Variants in OCIAD1 observed in about 807,000 individuals in gnomAD.
OCIAD1 encodes OCIA domain containing 1.
Under a neutral mutation model 38.9 loss-of-function variants are expected in OCIAD1, and 29 were observed. The observed-to-expected ratio is 0.74, with a 90% confidence interval of 0.55 to 1.02. OCIAD1 has a LOEUF of 1.02. OCIAD1 is among the 50% of genes least tolerant of loss of function. The pLI, the probability that OCIAD1 is intolerant of heterozygous loss-of-function variation, is 0.00. For missense variants in OCIAD1, 288 were observed against 289.6 expected (o/e 0.99, Z 0.04); for synonymous variants, 110 against 92.0 (o/e 1.20, Z -1.12).
At chr4:48,841,316 A>G (rs1579072266) in intron 3 of OCIAD1, among the ~76,000 whole-genome samples, 2 of 152,322 alleles carry the variant, frequency 1.3e-5, no homozygotes, top group South Asian at 4.2e-4. Context: ...AGTCACATGT[A>G]GCAATTTAAC....
At chr4:48,834,407 G>A (rs1235360073) in intron 3 of OCIAD1, among the ~76,000 whole-genome samples, 1 of 152,192 alleles carries the variant, frequency 6.6e-6, no homozygotes, top group Admixed American at 6.5e-5. Flanking sequence ...CCTGACCTTA[G>A]GTGATCTGCC....
intron 3 of OCIAD1, among the ~76,000 whole-genome samples, chr4:48,839,243 C>G (rs189646850): frequency 2.6e-5 from 4 of 152,196 alleles, no homozygotes; most frequent in Admixed American, 1.3e-4. Flanking sequence ...CAAGACCAGC[C>G]TGGCTAACAT....
At position 48,812,282 on chromosome 4, in the gene OCIAD1, C is replaced by CAAAAAAAAAAAAAAAA. The variant is rs397881494; in HGVS notation, c.-103+6971_-103+6986dup. ...TGGGCAACAGAGTGAGAGTTGGTCT[C>CAAAAAAAAAAAAAAAA]AAAAAAAAAAAAAAAAAAAAAAAAA... On this transcript the variant is annotated intron_variant, in intron 1 of 6. Coordinates refer to the OCIAD1 transcript ENST00000504654. 3.6e-4 allele frequency among the ~76,000 whole-genome samples: 9 copies of CAAAAAAAAAAAAAAAA among 25,076 alleles called. 1 individual carries two copies. Among genetic ancestry groups the CAAAAAAAAAAAAAAAA allele is most frequent in the Non-Finnish European group, 4.8e-4 (8 of 16,548 alleles). 16.5% of individuals were successfully genotyped at this position (25,076 alleles called of 152,430 possible).
In OCIAD1 at chr4:48,850,795, A is replaced by G. The variant is rs1779382203; in HGVS notation, c.377+713A>G. Reference sequence around the variant, plus strand: ...TTACTGTGTTTACCAGGCTGGTCTCAAACTCCTGAGCTCAAGTGATCTGCC... The same window carrying G: ...TTACTGTGTTTACCAGGCTGGTCTCGAACTCCTGAGCTCAAGTGATCTGCC... On this transcript the variant is annotated intron_variant, in intron 6 of 8. Coordinates refer to ENST00000264312, the MANE Select transcript of OCIAD1 (RefSeq NM_017830.4). 5.3e-5 allele frequency among the ~76,000 whole-genome samples: 8 copies of G among 152,122 alleles called. No individual in the cohort carries two copies. In the South Asian group the frequency reaches 1.7e-3, roughly 32 times the overall value.
At chr4:48,819,089 C>T (rs1777166978) in intron 1 of OCIAD1, among the ~76,000 whole-genome samples, 1 of 152,040 alleles carries the variant, frequency 6.6e-6, no homozygotes, top group Non-Finnish European at 1.5e-5. Context: ...CTAAGACACT[C>T]CTCAAGAAGA....
chr4:48,855,374 A>G (rs1779934637), intron 7 of OCIAD1, among the ~76,000 whole-genome samples: 1 of 152,222 alleles, frequency 6.6e-6, no homozygotes, highest in Admixed American at 6.5e-5. Context: ...ATCCCAATAT[A>G]AGGTTATAAT....
intron 7 of OCIAD1, among the ~76,000 whole-genome samples, chr4:48,855,551 C>T (rs1779953950): frequency 6.6e-6 from 1 of 152,134 alleles, no homozygotes; most frequent in South Asian, 2.1e-4. Flanking sequence ...GGTGCAGTGG[C>T]TCATGCCTGT....
chr4:48,859,881 C>T (rs1310951583), intron 8 of OCIAD1, among the ~76,000 whole-genome samples: 1 of 152,148 alleles, frequency 6.6e-6, no homozygotes, highest in Non-Finnish European at 1.5e-5. Context: ...TGTCACCACA[C>T]ATCCTGTAGC....
At chr4:48,849,878 T>G (rs1779275084) in intron 5 of OCIAD1, 69 bp from the exon 6 acceptor site, 1 of 1,391,776 alleles carries the variant, frequency 7.2e-7, no homozygotes, top group African/African-American at 1.5e-5. Context: ...AAACAAATTT[T>G]TCTTTTAGAA....
intron 3 of OCIAD1, among the ~76,000 whole-genome samples, chr4:48,838,353 G>A (rs2109536333): frequency 6.6e-6 from 1 of 151,798 alleles, no homozygotes; most frequent in South Asian, 2.1e-4. Context: ...ATGTGATAAG[G>A]ACAGGCTGAA....
At chr4:48,823,073 A>G (rs1368766223) in intron 1 of OCIAD1, among the ~76,000 whole-genome samples, 1 of 152,204 alleles carries the variant, frequency 6.6e-6, no homozygotes, top group African/African-American at 2.4e-5. Flanking sequence ...TCATTCTACT[A>G]TGAAGACACA....
At chr4:48,822,158 C>T (rs2109495810) in intron 1 of OCIAD1, among the ~76,000 whole-genome samples, 1 of 152,306 alleles carries the variant, frequency 6.6e-6, no homozygotes, top group East Asian at 1.9e-4. Context: ...TACAAGGCTA[C>T]AGTAACCAAA....
chr4:48,833,947 T>C (rs1777755713), intron 3 of OCIAD1, among the ~76,000 whole-genome samples: 1 of 152,144 alleles, frequency 6.6e-6, no homozygotes, highest in Non-Finnish European at 1.5e-5. Context: ...TTAGTTCCCA[T>C]TTTATCATTG....
chr4:48,830,855 G>A (rs1245242208), upstream of OCIAD1: 1 of 154,282 alleles, frequency 6.5e-6, no homozygotes, highest in Non-Finnish European at 1.4e-5. Context: ...CCAAAGTCAA[G>A]CCTACTCCCA....
At chr4:48,851,648 C>T (rs1779478527) in intron 6 of OCIAD1, among the ~76,000 whole-genome samples, 158 bp from the exon 7 acceptor site, 1 of 151,680 alleles carries the variant, frequency 6.6e-6, no homozygotes, top group Non-Finnish European at 1.5e-5. Flanking sequence ...TGCACTATAG[C>T]CTGGGTGACA....
rs561677948 is a variant in OCIAD1, at chr4:48,838,258, C to T, written c.140-4378C>T. On this transcript the variant is annotated intron_variant, in intron 3 of 8. Coordinates refer to ENST00000264312, the MANE Select transcript of OCIAD1 (RefSeq NM_017830.4). Reference sequence around the variant, plus strand: ...GCTTGAACCCGGGAGGCAGAGGTTGCAGCAAGCCAAGATCGTGCCACTGCA... The same window carrying T: ...GCTTGAACCCGGGAGGCAGAGGTTGTAGCAAGCCAAGATCGTGCCACTGCA... Among the ~76,000 whole-genome samples, 9 of 150,482 alleles carry T rather than the reference C, an allele frequency of 6.0e-5. No individual in the cohort carries two copies. In the South Asian group the frequency reaches 1.9e-3, roughly 32 times the overall value.
At chr4:48,817,013 G>C (rs1162088019) in intron 1 of OCIAD1, among the ~76,000 whole-genome samples, 1 of 152,182 alleles carries the variant, frequency 6.6e-6, no homozygotes, top group African/African-American at 2.4e-5. Flanking sequence ...GGCTGAATAG[G>C]AACAGCTCTG....
At chr4:48,837,506 T>G (rs1382098862) in intron 3 of OCIAD1, among the ~76,000 whole-genome samples, 1 of 152,024 alleles carries the variant, frequency 6.6e-6, no homozygotes, top group South Asian at 2.1e-4. Context: ...TTGGCCAGGC[T>G]GGTCTCGAGC....
intron 1 of OCIAD1, among the ~76,000 whole-genome samples, chr4:48,815,904 C>A (rs955394581): frequency 2.0e-5 from 3 of 152,162 alleles, no homozygotes; most frequent in African/African-American, 4.8e-5. Context: ...CCCGCACATA[C>A]CTGTTCTTTG....
Sources: gnomAD v4.1 joint callset for allele counts (sites outside exome capture counted in the v4.1 genomes callset) on GRCh38, gnomAD v4.1.1 for gene constraint, MANE v1.5 for transcripts, NCBI Gene and HGNC (gene_info 2026-07-23, HGNC 2026-07-21) for gene names.